GLT1D1: variants seen among roughly 807,000 people sequenced by gnomAD.
GLT1D1 encodes glycosyltransferase 1 domain-containing protein 1.
A neutral mutation model predicts 28.7 loss-of-function variants in GLT1D1; 21 were observed. That is an observed-to-expected ratio of 0.73 (90% confidence interval 0.52 to 1.05). The LOEUF (loss-of-function observed/expected upper bound fraction) is 1.05, where lower values mean the gene tolerates loss of function less well. Ranked by LOEUF, GLT1D1 falls within the 50% of genes least tolerant of loss-of-function variation. The probability of loss-of-function intolerance (pLI) is 0.00; values close to 1 mark genes in which losing one functional copy is unlikely to be tolerated. For missense variants in GLT1D1, 343 were observed against 330.6 expected, an observed-to-expected ratio of 1.04 and a Z score of -0.29; for synonymous variants, 147 against 124.8, an observed-to-expected ratio of 1.18 and a Z score of -1.19.
Position 128,947,323 on chromosome 12 carries a change from T to C in GLT1D1, c.420-15T>C. ...TTCTTGGAATCAGAGCCACTCTTCC[T>C]GCTTTGTGTTTCAGAGCCGCTGGGG... On this transcript the variant is annotated splice_polypyrimidine_tract_variant and intron_variant, in intron 5 of 7. Transcript: ENST00000281703. The C allele has an allele frequency of 6.2e-7, 1 of 1,613,700 alleles. No homozygotes were observed. The highest frequency in any genetic ancestry group is 8.5e-7 in the Non-Finnish European group (1 of 1,179,898).
chr12:128,926,977 T>C (rs1373444646), intron 4 of GLT1D1, 128 bp from the exon 8 acceptor site: 1 of 597,522 alleles, frequency 1.7e-6, no homozygotes, highest in African/African-American at 1.9e-5. Flanking sequence ...TGCCTAATAT[T>C]ATGAATGAAA....
chr12:128,945,244 G>A (rs931571683), intron 4 of GLT1D1, 82 bp from the exon 9 acceptor site: 32 of 1,403,500 alleles, frequency 2.3e-5, no homozygotes, highest in Admixed American at 3.4e-5. Flanking sequence ...TGGCACCAGG[G>A]CTTTGGCCTG....
chr12:128,889,245 T>C (rs2135829772), intron 3 of GLT1D1, among the ~76,000 whole-genome samples: 1 of 152,294 alleles, frequency 6.6e-6, no homozygotes, highest in East Asian at 1.9e-4. Context: ...AAGTAGACTA[T>C]CTTTGGCATG....
intron 4 of GLT1D1, among the ~76,000 whole-genome samples, chr12:128,934,777 G>A (rs937825877): frequency 2.6e-5 from 4 of 152,304 alleles, no homozygotes; most frequent in Admixed American, 6.5e-5. Flanking sequence ...CCAGGATGTC[G>A]CGTCAAGAAG....
chr12:128,965,876 C>A (rs1878409334), intron 7 of GLT1D1, among the ~76,000 whole-genome samples: 1 of 147,710 alleles, frequency 6.8e-6, no homozygotes, highest in Non-Finnish European at 1.5e-5. Context: ...CCCTGGATAA[C>A]AGCAAGACCC....
chr12:128,905,455 T>G (rs1380261573), intron 4 of GLT1D1, among the ~76,000 whole-genome samples: 3 of 152,156 alleles, frequency 2.0e-5, no homozygotes, highest in Non-Finnish European at 2.9e-5. Context: ...TGAGGGTTAG[T>G]TTGTAACCGG....
intron 4 of GLT1D1, among the ~76,000 whole-genome samples, chr12:128,908,412 CTTTCTTTT>C (rs1217195834): frequency 1.4e-5 from 2 of 143,320 alleles, no homozygotes; most frequent in African/African-American, 5.2e-5. Context: ...CTCTTTCTTT[CTTTCTTTT>C]TCTTTCCTTT....
rs146160223 is a variant in GLT1D1, at chr12:128,871,088, A to T, written c.69-4826A>T. ...ACGCACTCTGCTGTATCGATTCTGC[A>T]TAAGTCATGAGTCCCTCAGGAATGG... On this transcript the variant is annotated intron_variant, in intron 1 of 7. Transcript: ENST00000281703. Among the ~76,000 whole-genome samples the T allele has an allele frequency of 2.1e-3, 318 of 152,310 alleles. 9 individuals are homozygous for T. In the East Asian group the frequency reaches 0.057, roughly 27 times the overall value.
intron 4 of GLT1D1, among the ~76,000 whole-genome samples, chr12:128,908,029 C>A (rs1388093023): frequency 2.0e-5 from 3 of 152,150 alleles, no homozygotes; most frequent in Admixed American, 2.0e-4. Context: ...AGATGGGGTG[C>A]CACACTCTCA....
intron 1 of GLT1D1, among the ~76,000 whole-genome samples, chr12:128,874,120 CTCTCTCTTTCTTTCTTT>C (rs1956803313): frequency 1.9e-5 from 1 of 52,782 alleles, no homozygotes; most frequent in African/African-American, 8.8e-5. Context: ...CTCTCTCTCT[CTCTCTCTTTCTTTCTTT>C]CTTTCTTTCT....
intron 4 of GLT1D1, among the ~76,000 whole-genome samples, chr12:128,922,449 T>C (rs1004992450): frequency 6.6e-6 from 1 of 152,186 alleles, no homozygotes; most frequent in Non-Finnish European, 1.5e-5. Flanking sequence ...GTTTTCTCCA[T>C]TTTTAACAAT....
rs578177894 is a variant in GLT1D1 at position 128,963,308 on chromosome 12, C to T, written c.639+5665C>T. ...TTTGGGAGTGGAGTGGGGTTGATTC[C>T]AGGGTCGTATGGGCCAGAAAATAGA... On this transcript the variant is annotated intron_variant, in intron 7 of 7. Coordinates refer to ENST00000281703, the MANE Select transcript of GLT1D1 (RefSeq NM_144669.3). 2.0e-5 allele frequency among the ~76,000 whole-genome samples: 3 copies of T among 152,158 alleles called. 1 individual carries two copies. The South Asian group carries it at 6.2e-4, about 32-fold the overall frequency.
At chr12:128,889,110 T>G (rs1378757851) in intron 3 of GLT1D1, among the ~76,000 whole-genome samples, 1 of 152,032 alleles carries the variant, frequency 6.6e-6, no homozygotes, top group Non-Finnish European at 1.5e-5. Flanking sequence ...CAATCCAGCC[T>G]GAGTGGTAGA....
intron 7 of GLT1D1, among the ~76,000 whole-genome samples, chr12:128,981,501 G>A (rs547800006): frequency 1.3e-5 from 2 of 152,056 alleles, no homozygotes; most frequent in Non-Finnish European, 1.5e-5. Context: ...ATTATAAAAC[G>A]ACCACCAATT....
At chr12:128,858,271 A>G (rs1956272765) in intron 1 of GLT1D1, among the ~76,000 whole-genome samples, 1 of 152,152 alleles carries the variant, frequency 6.6e-6, no homozygotes, top group African/African-American at 2.4e-5. Context: ...GCATAACATT[A>G]TGAGACAAGA....
intron 4 of GLT1D1, among the ~76,000 whole-genome samples, chr12:128,907,772 C>T (rs751293615): frequency 9.2e-4 from 140 of 152,266 alleles, no homozygotes; most frequent in South Asian, 4.6e-3. Context: ...GTATGAAAAA[C>T]GCATCCATTC....
In GLT1D1 at chr12:128,892,847, G is replaced by A. The variant is rs114917824; in HGVS notation, c.323+4103G>A. On this transcript the variant is annotated intron_variant, in intron 3 of 7. Coordinates refer to ENST00000281703, the MANE Select transcript of GLT1D1 (RefSeq NM_144669.3). ...CTTTTTGGCTTATAAATATTATAATGTAATAAGTACTTGATAATTACATTA... is the reference window on the plus strand; with the variant it reads ...CTTTTTGGCTTATAAATATTATAATATAATAAGTACTTGATAATTACATTA... Among the ~76,000 whole-genome samples, 711 of 151,962 alleles carry A rather than the reference G, an allele frequency of 4.7e-3. 4 individuals are homozygous for A. Among genetic ancestry groups the A allele is most frequent in the African/African-American group, 0.016 (664 of 41,434 alleles).
chr12:128,945,607 A>G (rs1482850453), intron 5 of GLT1D1, among the ~76,000 whole-genome samples: 1 of 152,248 alleles, frequency 6.6e-6, no homozygotes, highest in African/African-American at 2.4e-5. Context: ...CAGAATGGAA[A>G]GATTTAAACT....
At chr12:128,932,411 G>A (rs1284324524) in intron 4 of GLT1D1, among the ~76,000 whole-genome samples, 4 of 152,188 alleles carry the variant, frequency 2.6e-5, no homozygotes, top group African/African-American at 9.6e-5. Flanking sequence ...AGTAATGAGA[G>A]GAAAGGGTAG....
Sources: allele counts gnomAD v4.1 joint callset (sites outside exome capture counted in the v4.1 genomes callset), GRCh38; gene constraint gnomAD v4.1.1; transcripts MANE v1.5; gene names NCBI Gene and HGNC (gene_info 2026-07-23, HGNC 2026-07-21).